IMPG2: variants seen among roughly 807,000 people sequenced by gnomAD.
The protein encoded by IMPG2 is interphotoreceptor matrix proteoglycan 2.
A neutral mutation model predicts 129.2 loss-of-function variants in IMPG2; 91 were observed. That is an observed-to-expected ratio of 0.70 (90% CI 0.59 to 0.84). IMPG2 has a LOEUF of 0.84. IMPG2 is among the 40% of genes least tolerant of loss of function. IMPG2 has a pLI of 0.00. For synonymous variants in IMPG2, 510 were observed against 517.7 expected, an observed-to-expected ratio of 0.99 and a Z score of 0.20; for missense variants, 1,430 against 1,461.7, an observed-to-expected ratio of 0.98 and a Z score of 0.35.
intron 3 of IMPG2, among the ~76,000 whole-genome samples, chr3:101,294,040 C>T (rs918113770): frequency 6.6e-6 from 1 of 152,192 alleles, no homozygotes; most frequent in Non-Finnish European, 1.5e-5. Context: ...CACTAATATG[C>T]TCACTGGAAT....
In IMPG2 at chr3:101,292,010, T is replaced by C. The variant is rs547138155; in HGVS notation, c.502-500A>G. Among the ~76,000 whole-genome samples, 6 of 152,334 alleles carry C rather than the reference T, an allele frequency of 3.9e-5. No homozygotes were observed. In the South Asian group the frequency reaches 1.2e-3, roughly 32 times the overall value. On this transcript the variant is annotated intron_variant, in intron 3 of 18. Coordinates refer to ENST00000193391, the MANE Select transcript of IMPG2 (RefSeq NM_016247.4). ...CAGGGGCATTCTAAAGCAAATTTCC[T>C]GCAAGTTTCCCCTAAATTAGGATTG...
rs936103913 is a variant in IMPG2 at position 101,225,324 on chromosome 3, A to C, written c.*1645T>G. On this transcript the variant is annotated 3_prime_UTR_variant, in exon 19 of 19. Coordinates refer to ENST00000193391, the MANE Select transcript of IMPG2 (RefSeq NM_016247.4). ...GAACTGTTAGAGGATCCATTATGTG[A>C]GTAGGGAATGAAAGGAAATGCTAGG... 6.6e-6 allele frequency: 1 copy of C among 152,264 alleles called. No individual in the cohort carries two copies. Among genetic ancestry groups the C allele is most frequent in the Non-Finnish European group, 1.5e-5 (1 of 68,062 alleles). The allele number at this position is 152,264 out of a possible 1,614,324, so 9.4% of individuals were successfully genotyped here. A position where few individuals can be genotyped will look rare whatever the true frequency, so the allele number is the denominator to read the frequency against.
chr3:101,244,263 A>G lies in IMPG2; in HGVS notation c.2068T>C (p.Phe690Leu). The change falls in exon 13 of 19, where the codon TTC becomes CTC. Residue 690 changes from phenylalanine to leucine, a missense_variant. Physicochemically the swap from Phe to Leu is conservative, Grantham distance 22 (BLOSUM62 0). Transcript: ENST00000193391. ...EPLSGPAVPI[F>L]ADTAAESASL... is the part of the protein sequence containing the mutation. ...GCAGATTCAGCTGCAGTATCTGCGA[A>G]GATGGGCACAGCAGGCCCACTAAGA... 1 of 1,614,066 alleles carries G rather than the reference A, an allele frequency of 6.2e-7. No individual in the cohort carries two copies. Among genetic ancestry groups the G allele is most frequent in the Non-Finnish European group, 8.5e-7 (1 of 1,180,002 alleles).
chr3:101,264,642 G>A (rs1373283310), intron 9 of IMPG2, among the ~76,000 whole-genome samples: 2 of 151,948 alleles, frequency 1.3e-5, no homozygotes, highest in East Asian at 3.9e-4. Context: ...CTGGAACAAG[G>A]CAAGAATGCC....
chr3:101,264,747 G>A (rs1303380212), intron 9 of IMPG2, among the ~76,000 whole-genome samples: 1 of 151,906 alleles, frequency 6.6e-6, no homozygotes, highest in African/African-American at 2.4e-5. Context: ...TTGGAAAAGA[G>A]GAAGTCAAAT....
chr3:101,229,300 A>ACCCCCCCCCCCCCCCCCCCGCGGCCC, intron 17 of IMPG2, 80 bp downstream of exon 17: 1 of 859,118 alleles, frequency 1.2e-6, no homozygotes, highest in Non-Finnish European at 1.9e-6. Flanking sequence ...ACTCATACAC[A>ACCCCCCCCCCCCCCCCCCCGCGGCCC]CCCCCACCCA....
intron 11 of IMPG2, among the ~76,000 whole-genome samples, chr3:101,248,178 G>A (rs1449347791): frequency 6.6e-6 from 1 of 152,202 alleles, no homozygotes; most frequent in Non-Finnish European, 1.5e-5. Context: ...TCCACGTGTT[G>A]TGGGAGGGAC....
At chr3:101,238,942 A>G (rs550217230) in intron 14 of IMPG2, among the ~76,000 whole-genome samples, 17 of 152,202 alleles carry the variant, frequency 1.1e-4, no homozygotes, top group Non-Finnish European at 2.5e-4. Context: ...ATAAAGAGAC[A>G]AGACCCATCA....
At chr3:101,248,125 G>T (rs1706502861) in intron 11 of IMPG2, among the ~76,000 whole-genome samples, 1 of 152,164 alleles carries the variant, frequency 6.6e-6, no homozygotes, top group African/African-American at 2.4e-5. Flanking sequence ...AAAACAAGGT[G>T]ATATGGTTTG....
chr3:101,242,999 A>C, intron 13 of IMPG2, 92 bp from the exon 14 acceptor site: 1 of 953,466 alleles, frequency 1.0e-6, no homozygotes. Flanking sequence ...CACAGGTAAG[A>C]CCCTGCCTCA....
At chr3:101,289,228 A>G (rs1329281635) in intron 4 of IMPG2, among the ~76,000 whole-genome samples, 2 of 152,156 alleles carry the variant, frequency 1.3e-5, no homozygotes, top group Non-Finnish European at 2.9e-5. Context: ...GGGTATTACT[A>G]ACTTAGGTTT....
At chr3:101,297,830 AT>A (rs374185266) in intron 3 of IMPG2, among the ~76,000 whole-genome samples, 184 of 152,330 alleles carry the variant, frequency 1.2e-3, no homozygotes, top group African/African-American at 4.3e-3. Flanking sequence ...TACGTGATCA[AT>A]TTTAGAACAA....
intron 1 of IMPG2, 84 bp downstream of exon 1, chr3:101,320,204 A>G (rs1045717484): frequency 3.7e-6 from 3 of 805,122 alleles, no homozygotes; most frequent in African/African-American, 1.7e-5. Context: ...CATTTCTTAC[A>G]GCAATCACAT....
At chr3:101,258,294 T>C (rs1056158479) in intron 9 of IMPG2, among the ~76,000 whole-genome samples, 4 of 152,132 alleles carry the variant, frequency 2.6e-5, no homozygotes, top group Admixed American at 6.6e-5. Context: ...TCCTTTAAAA[T>C]GTTGTGCTGG....
chr3:101,228,728 G>A, intron 18 of IMPG2, 69 bp downstream of exon 18: 4 of 1,187,486 alleles, frequency 3.4e-6, no homozygotes, highest in Non-Finnish European at 5.1e-6. Flanking sequence ...GCTCACTCAG[G>A]TGTGACATTA....
At chr3:101,269,660 G>C (rs1490470929) in intron 7 of IMPG2, 87 bp from the exon 8 acceptor site, 5 of 826,234 alleles carry the variant, frequency 6.1e-6, no homozygotes, top group Non-Finnish European at 1.0e-5. Flanking sequence ...AGAATAAAAA[G>C]TGAACTGTTC....
intron 9 of IMPG2, among the ~76,000 whole-genome samples, chr3:101,265,477 G>A (rs1392292890): frequency 6.6e-6 from 1 of 152,054 alleles, no homozygotes; most frequent in Non-Finnish European, 1.5e-5. Flanking sequence ...ATGGTGCTGG[G>A]AAAACTGGAT....
chr3:101,226,813 T>G lies in IMPG2; in HGVS notation c.*156A>C. 1.4e-6 allele frequency: 1 copy of G among 704,164 alleles called. No individual in the cohort carries two copies. Among genetic ancestry groups the G allele is most frequent in the Non-Finnish European group, 2.4e-6 (1 of 410,134 alleles). 43.6% of individuals were successfully genotyped at this position (704,164 alleles called of 1,614,324 possible). On this transcript the variant is annotated 3_prime_UTR_variant, in exon 19 of 19. Transcript: ENST00000193391. The stretch of plus-strand genomic sequence containing the variant: ...CATCTCTTACTACATTCTGAAAACT[T>G]AAGCTGAAAAAAAAACAGTGTGCCC...
rs6785823 is a variant in IMPG2 at position 101,296,268 on chromosome 3, C to A, written c.502-4758G>T. ...TACCTAGTTTGTTGAGAGTTTTTAG[C>A]AGGAAGGGCCGTTGAATTTTGTCGA... is the stretch of plus-strand genomic sequence containing the variant. On this transcript the variant is annotated intron_variant, in intron 3 of 18. Coordinates refer to ENST00000193391, the MANE Select transcript of IMPG2 (RefSeq NM_016247.4). Among the ~76,000 whole-genome samples the A allele has an allele frequency of 7.8e-3, 1,193 of 152,238 alleles. 19 individuals carry two copies. The highest frequency in any genetic ancestry group is 0.027 in the African/African-American group (1,114 of 41,536).
Sources: allele counts gnomAD v4.1 joint callset (sites outside exome capture counted in the v4.1 genomes callset), GRCh38; gene constraint gnomAD v4.1.1; transcripts MANE v1.5; gene names NCBI Gene and HGNC (gene_info 2026-07-23, HGNC 2026-07-21).